ATL1: variants seen among roughly 807,000 people sequenced by gnomAD.
ATL1 encodes the protein atlastin-1.
Under a neutral mutation model 75.5 loss-of-function variants are expected in ATL1, and 31 were observed. That is an observed-to-expected ratio of 0.41 (90% confidence interval 0.31 to 0.55). ATL1 has a LOEUF of 0.55. Among genes scored for constraint, ATL1 ranks in the 20% least tolerant of loss-of-function variants. The pLI is 0.27. For synonymous variants in ATL1, 226 were observed against 233.3 expected (o/e 0.97, Z 0.28); for missense variants, 405 against 662.6 (o/e 0.61, Z 4.27).
intron 4 of ATL1, among the ~76,000 whole-genome samples, chr14:50,593,576 A>G (rs1310076710): frequency 6.6e-6 from 1 of 152,206 alleles, no homozygotes; most frequent in Non-Finnish European, 1.5e-5. Context: ...GACTAATTGC[A>G]TAAATTAGGT....
intron 11 of ATL1, among the ~76,000 whole-genome samples, 181 bp from the exon 12 acceptor site, chr14:50,627,850 G>A (rs745544845): frequency 3.9e-5 from 6 of 152,142 alleles, no homozygotes; most frequent in Non-Finnish European, 8.8e-5. Context: ...TAAAATACCA[G>A]TCCCATTTAT....
At chr14:50,545,222 C>T (rs1388952618) in intron 1 of ATL1, among the ~76,000 whole-genome samples, 2 of 152,202 alleles carry the variant, frequency 1.3e-5, no homozygotes, top group Non-Finnish European at 2.9e-5. Context: ...CTAGAGCTGT[C>T]CTGCTGCTGC....
chr14:50,564,647 C>CAAAAAAAAAAAAAAAAAAAAAAAAAA (rs60054322), intron 1 of ATL1, among the ~76,000 whole-genome samples: 1 of 40,004 alleles, frequency 2.5e-5, no homozygotes, highest in African/African-American at 1.1e-4. Context: ...GATTCCGTCT[C>CAAAAAAAAAAAAAAAAAAAAAAAAAA]AAAAAAAAAA....
At chr14:50,548,571 G>A (rs985617283) in intron 1 of ATL1, among the ~76,000 whole-genome samples, 9 of 152,112 alleles carry the variant, frequency 5.9e-5, no homozygotes, top group African/African-American at 1.4e-4. Context: ...GTGCAGTGGC[G>A]TGATCTCGGG....
Position 50,628,361 on chromosome 14 carries a change from A to T in ATL1, c.1450A>T (p.Thr484Ser). The change falls in exon 12 of 14, where the codon ACC (threonine) becomes TCC (serine). Residue 484 changes from threonine to serine, a missense_variant. Around this residue, in one of 5 missense-constraint regions of ATL1, gnomAD observed 163 missense variants for 244.1 expected, o/e 0.67. Coordinates refer to ENST00000358385, the MANE Select transcript of ATL1 (RefSeq NM_015915.5). ...ASLCNMIMGL[T>S]LITLCTWAYI... is the part of the protein sequence containing the mutation. ...CCTATGCAATATGATAATGGGACTGACCCTTATCACCCTGTGCACTTGGGC... is the reference window on the plus strand; with the variant it reads ...CCTATGCAATATGATAATGGGACTGTCCCTTATCACCCTGTGCACTTGGGC... 2.5e-6 allele frequency: 4 copies of T among 1,614,030 alleles called. No homozygotes were observed. The highest frequency in any genetic ancestry group is 3.4e-6 in the Non-Finnish European group (4 of 1,179,956).
intron 1 of ATL1, among the ~76,000 whole-genome samples, chr14:50,564,221 A>G (rs570227623): frequency 1.6e-4 from 24 of 152,380 alleles, no homozygotes; most frequent in African/African-American, 5.5e-4. Context: ...AAGTGCTACC[A>G]GAAACAAAAC....
intron 11 of ATL1, among the ~76,000 whole-genome samples, chr14:50,627,351 A>G (rs1342644896): frequency 6.6e-6 from 1 of 152,254 alleles, no homozygotes; most frequent in Non-Finnish European, 1.5e-5. Context: ...AATAAAAAAA[A>G]TCATGTGACT....
At chr14:50,629,853 T>C (rs943076673) in intron 12 of ATL1, 142 bp from the exon 13 acceptor site, 2 of 531,232 alleles carry the variant, frequency 3.8e-6, no homozygotes, top group East Asian at 3.2e-5. Flanking sequence ...TGATAAAATA[T>C]GTAATCTAAA....
At chr14:50,551,929 G>T (rs1407460104) in intron 1 of ATL1, among the ~76,000 whole-genome samples, 3 of 152,090 alleles carry the variant, frequency 2.0e-5, no homozygotes, top group African/African-American at 7.2e-5. Context: ...AAATTTGAAA[G>T]CATTCCCCCA....
chr14:50,569,418 CAA>C (rs35548036), intron 1 of ATL1, among the ~76,000 whole-genome samples: 3 of 118,386 alleles, frequency 2.5e-5, no homozygotes, highest in African/African-American at 6.4e-5. Context: ...GACTCTGTCT[CAA>C]AAAAAAAAAA....
At chr14:50,543,571 T>C (rs781775083) in intron 1 of ATL1, among the ~76,000 whole-genome samples, 29 of 152,318 alleles carry the variant, frequency 1.9e-4, no homozygotes, top group Admixed American at 3.3e-4. Context: ...AATTAACTGA[T>C]CTTACCCATC....
At chr14:50,579,938 G>T (rs923738636) in intron 1 of ATL1, among the ~76,000 whole-genome samples, 21 of 152,254 alleles carry the variant, frequency 1.4e-4, no homozygotes, top group Admixed American at 1.4e-3. Context: ...TTGATTACTA[G>T]ATGATCAGGT....
rs766627863 is a variant in ATL1 at position 50,588,010 on chromosome 14, G to A, written c.214G>A (p.Val72Ile). 6.2e-7 allele frequency: 1 copy of A among 1,614,178 alleles called. No individual in the cohort carries two copies. Among genetic ancestry groups the A allele is most frequent in the South Asian group, 1.1e-5 (1 of 91,082 alleles). The stretch of plus-strand genomic sequence containing the variant: ...AGACAAGGAGGTTGTTGCTGTATCT[G>A]TTGCTGGAGCATTTAGAAAAGGAAA... Reference protein sequence around the residue: ...VRDKEVVAVSVAGAFRKGKSF... With the variant: ...VRDKEVVAVSIAGAFRKGKSF... The change falls in exon 2 of 14, where the codon GTT (valine) becomes ATT (isoleucine). Residue 72 changes from valine to isoleucine, a missense_variant. Around this residue, in one of 5 missense-constraint regions of ATL1, gnomAD observed 126 missense variants for 172.0 expected, o/e 0.73. Transcript: ENST00000358385.
At chr14:50,583,050 T>A (rs2039071852) in intron 1 of ATL1, among the ~76,000 whole-genome samples, 4 of 152,192 alleles carry the variant, frequency 2.6e-5, no homozygotes, top group African/African-American at 9.6e-5. Flanking sequence ...ACATAGAATT[T>A]CCTTCATCTG....
At position 50,560,210 on chromosome 14, in the gene ATL1, G is replaced by A. The variant is rs952176978; in HGVS notation, c.-56G>A. On this transcript the variant is annotated 5_prime_UTR_variant, in exon 1 of 14. Coordinates refer to ENST00000358385, the MANE Select transcript of ATL1 (RefSeq NM_015915.5). Reference sequence around the variant, plus strand: ...CCCACCGCCAGCAACCTGCGGCCCCGGAGAAGGCAGCGAGCGCAGTGACAG... The same window carrying A: ...CCCACCGCCAGCAACCTGCGGCCCCAGAGAAGGCAGCGAGCGCAGTGACAG... 1.2e-6 allele frequency: 2 copies of A among 1,607,278 alleles called. No homozygotes were observed. Among genetic ancestry groups the A allele is most frequent in the East Asian group, 2.2e-5 (1 of 44,484 alleles).
At chr14:50,560,470 G>A (rs1053364380) in intron 1 of ATL1, 171 bp downstream of exon 1, 25 of 869,656 alleles carry the variant, frequency 2.9e-5, no homozygotes, top group Non-Finnish European at 3.9e-5. Flanking sequence ...ATGGCCGAGC[G>A]GTACCCGCGT....
At chr14:50,538,328 T>G (rs906854508) in intron 1 of ATL1, among the ~76,000 whole-genome samples, 9 of 152,202 alleles carry the variant, frequency 5.9e-5, no homozygotes, top group Admixed American at 1.3e-4. Context: ...CTCTTCCTTT[T>G]GTAAATTGCC....
At chr14:50,540,454 G>A (rs533708602) in intron 1 of ATL1, among the ~76,000 whole-genome samples, 2 of 152,276 alleles carry the variant, frequency 1.3e-5, no homozygotes, top group South Asian at 2.1e-4. Context: ...ATGTCTTTGA[G>A]GGAGAGTCCC....
chr14:50,560,178 G>A lies in ATL1; in HGVS notation c.-88G>A. The A allele has an allele frequency of 6.5e-7, 1 of 1,533,088 alleles. No individual in the cohort carries two copies. Among genetic ancestry groups the A allele is most frequent in the South Asian group, 1.2e-5 (1 of 86,576 alleles). The allele number at this position is 1,533,088 out of a possible 1,614,324, so 95.0% of individuals were successfully genotyped here. The stretch of plus-strand genomic sequence containing the variant: ...AGCGAACTGCGCCCAGCGCGGGCAC[G>A]GAGCCTCCCACCGCCAGCAACCTGC... On this transcript the variant is annotated 5_prime_UTR_variant, in exon 1 of 14. Coordinates refer to ENST00000358385, the MANE Select transcript of ATL1 (RefSeq NM_015915.5).
Sources: gnomAD v4.1 joint callset for allele counts (sites outside exome capture counted in the v4.1 genomes callset) on GRCh38, gnomAD v4.1.1 for gene constraint, gnomAD v4.1.1 regional missense constraint, MANE v1.5 for transcripts, NCBI Gene and HGNC (gene_info 2026-07-23, HGNC 2026-07-21) for gene names.